The following C1QTNF3 variants were observed in gnomAD, a reference collection of about 807,000 sequenced individuals.
C1QTNF3 encodes C1q and TNF related 3.
In C1QTNF3, 26 loss-of-function variants were observed where a neutral mutation model predicts 32.6. That is an observed-to-expected ratio of 0.80 (90% CI 0.58 to 1.11). The LOEUF is 1.11. Among genes scored for constraint, C1QTNF3 ranks in the 50% least tolerant of loss-of-function variants. The probability of loss-of-function intolerance (pLI) is 0.00; values close to 1 mark genes in which losing one functional copy is unlikely to be tolerated. For synonymous variants in C1QTNF3, 155 were observed against 146.0 expected, an observed-to-expected ratio of 1.06 and a Z score of -0.44; for missense variants, 362 against 398.2, an observed-to-expected ratio of 0.91 and a Z score of 0.77.
At chr5:34,024,098 C>T in intron 4 of C1QTNF3, 90 bp from the exon 5 acceptor site, 1 of 919,470 alleles carries the variant, frequency 1.1e-6, no homozygotes, top group South Asian at 1.4e-5. Flanking sequence ...ACTGCCTTCA[C>T]ATGTCTTTTA....
rs1489225881 is a variant in C1QTNF3, at chr5:34,020,552, T to C, written c.*31A>G. Reference sequence around the variant, plus strand: ...AACAAATCAGCTCAGCTACAAGTCTTCCCCAAAGTGGAGCTATTCTAGTCA... The same window carrying C: ...AACAAATCAGCTCAGCTACAAGTCTCCCCCAAAGTGGAGCTATTCTAGTCA... On this transcript the variant is annotated 3_prime_UTR_variant, in exon 6 of 6. Coordinates refer to ENST00000382065, the MANE Select transcript of C1QTNF3 (RefSeq NM_181435.6). 1 of 1,602,930 alleles carries C rather than the reference T, an allele frequency of 6.2e-7. No individual in the cohort carries two copies. Among genetic ancestry groups the C allele is most frequent in the Non-Finnish European group, 8.5e-7 (1 of 1,171,440 alleles).
At chr5:34,138,558 T>C in the C1QTNF3 span, among the ~76,000 whole-genome samples, 1 of 152,138 alleles carries the variant, frequency 6.6e-6, no homozygotes, top group African/African-American at 2.4e-5. Context: ...GCTTTATATA[T>C]GACATCATTA....
chr5:34,233,924 A>C, the C1QTNF3 span, among the ~76,000 whole-genome samples: 1 of 152,156 alleles, frequency 6.6e-6, no homozygotes, highest in Non-Finnish European at 1.5e-5. Flanking sequence ...ACACATTTGG[A>C]GATAGAATTT....
Position 34,035,659 on chromosome 5 carries a change from G to A in C1QTNF3, c.403C>T (p.Pro135Ser). The change falls in exon 2 of 6, where the codon CCT becomes TCT. Residue 135 changes from proline to serine, a missense_variant. Pro to Ser is a moderately conservative substitution (Grantham distance 74, BLOSUM62 -1). Transcript: ENST00000382065. ...TGCTCATCCTTACCTGGAATGCCAG[G>A]AGGGCCCGGTGGCCCAGGGGGGCCT... ...YQGPPGPPGPPGIPGNHGNNG... is the reference protein window; with the variant it reads ...YQGPPGPPGPSGIPGNHGNNG... 6.2e-7 allele frequency: 1 copy of A among 1,610,408 alleles called. No homozygotes were observed. The highest frequency in any genetic ancestry group is 1.7e-4 in the Middle Eastern group (1 of 6,042).
chr5:34,101,081 T>C, the C1QTNF3 span, among the ~76,000 whole-genome samples: 2 of 151,818 alleles, frequency 1.3e-5, no homozygotes, highest in Non-Finnish European at 2.9e-5. Context: ...TTGACAATTC[T>C]CTTTTTTAAA....
At chr5:34,031,339 C>A (rs1019256885) in intron 3 of C1QTNF3, among the ~76,000 whole-genome samples, 1 of 152,238 alleles carries the variant, frequency 6.6e-6, no homozygotes, top group Middle Eastern at 3.4e-3. Flanking sequence ...TTAATAATTG[C>A]CCAGAATGTT....
the C1QTNF3 span, chr5:34,124,304 G>A: frequency 1.8e-5 from 10 of 556,172 alleles, no homozygotes; most frequent in South Asian, 9.4e-5. Flanking sequence ...ATTGCCAGAT[G>A]TATTAGGCTG....
the C1QTNF3 span, among the ~76,000 whole-genome samples, chr5:34,197,969 C>T: frequency 3.3e-5 from 5 of 150,570 alleles, no homozygotes; most frequent in African/African-American, 1.2e-4. Flanking sequence ...GGCACGGTGG[C>T]TCACATCTGT....
the C1QTNF3 span, among the ~76,000 whole-genome samples, chr5:34,120,261 T>C: frequency 6.6e-6 from 1 of 152,250 alleles, no homozygotes; most frequent in South Asian, 2.1e-4. Flanking sequence ...TCTTGATTTG[T>C]ATTTCCTGAA....
chr5:34,230,032 G>C, the C1QTNF3 span, among the ~76,000 whole-genome samples: 1 of 152,136 alleles, frequency 6.6e-6, no homozygotes, highest in East Asian at 1.9e-4. Flanking sequence ...ACCAGAGAGG[G>C]AGTGGGCCCT....
chr5:34,084,817 T>TCA, the C1QTNF3 span, among the ~76,000 whole-genome samples: 6 of 112,686 alleles, frequency 5.3e-5, no homozygotes, highest in African/African-American at 2.6e-4. Flanking sequence ...TTGTTTTTTT[T>TCA]CTGTGCAGAA....
At chr5:34,118,735 ATTTTACTT>A in the C1QTNF3 span, among the ~76,000 whole-genome samples, 1 of 151,882 alleles carries the variant, frequency 6.6e-6, no homozygotes, top group Non-Finnish European at 1.5e-5. Flanking sequence ...GGCTTTCAAC[ATTTTACTT>A]GATGTGTCTG....
chr5:34,157,282 CTG>C, the C1QTNF3 span, among the ~76,000 whole-genome samples: 1 of 152,142 alleles, frequency 6.6e-6, no homozygotes, highest in Non-Finnish European at 1.5e-5. Context: ...AATATGGCTA[CTG>C]TGTTATATAC....
the C1QTNF3 span, among the ~76,000 whole-genome samples, chr5:34,137,936 T>A: frequency 1.3e-5 from 2 of 152,186 alleles, no homozygotes; most frequent in Non-Finnish European, 1.5e-5. Flanking sequence ...GACAAGATAT[T>A]TAAAGAAGCA....
At chr5:34,177,579 C>A in the C1QTNF3 span, among the ~76,000 whole-genome samples, 2 of 151,428 alleles carry the variant, frequency 1.3e-5, no homozygotes, top group Non-Finnish European at 2.9e-5. Flanking sequence ...CTCCACCTCC[C>A]CAGTTCAAGC....
the C1QTNF3 span, chr5:34,175,478 A>G: frequency 4.1e-6 from 1 of 245,358 alleles, no homozygotes; most frequent in Non-Finnish European, 7.9e-6. Flanking sequence ...CTCCTCTGGA[A>G]TGATGAGTGT....
At chr5:34,112,060 ACTGT>A in the C1QTNF3 span, among the ~76,000 whole-genome samples, 3 of 152,196 alleles carry the variant, frequency 2.0e-5, no homozygotes, top group Non-Finnish European at 2.9e-5. Flanking sequence ...GATGTGTCAC[ACTGT>A]CTAAGGACTC....
the C1QTNF3 span, among the ~76,000 whole-genome samples, chr5:34,214,931 T>C: frequency 6.6e-6 from 1 of 152,222 alleles, no homozygotes; most frequent in African/African-American, 2.4e-5. Context: ...AAATAACCTT[T>C]AGAGTTTAGA....
At chr5:34,114,687 T>C in the C1QTNF3 span, among the ~76,000 whole-genome samples, 8 of 152,176 alleles carry the variant, frequency 5.3e-5, no homozygotes, top group African/African-American at 1.9e-4. Flanking sequence ...AATGCTCAGT[T>C]TTATACTTAA....
Sources: allele counts gnomAD v4.1 joint callset (sites outside exome capture counted in the v4.1 genomes callset), GRCh38; gene constraint gnomAD v4.1.1; transcripts MANE v1.5; gene names NCBI Gene and HGNC (gene_info 2026-07-23, HGNC 2026-07-21).